Variants in CLVS2 observed in about 807,000 individuals in gnomAD.
CLVS2 encodes clavesin-2.
Under a neutral mutation model 29.0 loss-of-function variants are expected in CLVS2, and 19 were observed. The observed-to-expected ratio is 0.66, with a 90% CI of 0.46 to 0.96. The LOEUF (loss-of-function observed/expected upper bound fraction) is 0.96. CLVS2 is among the 40% of genes least tolerant of loss of function. CLVS2 has a pLI of 0.00. For missense variants in CLVS2, 294 were observed against 404.1 expected (o/e 0.73, Z 2.34); for synonymous variants, 161 against 151.3 (o/e 1.06, Z -0.47).
In CLVS2 at chr6:123,042,130, C is replaced by T. The variant is rs191665057; in HGVS notation, c.565-6492C>T. Among the ~76,000 whole-genome samples the T allele has an allele frequency of 2.3e-3, 348 of 152,124 alleles. 1 individual carries two copies. The highest frequency in any genetic ancestry group is 6.0e-3 in the Admixed American group (91 of 15,276). On this transcript the variant is annotated intron_variant, in intron 3 of 5. Transcript: ENST00000275162. ...GAATCATGAATATGTGATTCATGTG[C>T]ATTTCATTTTAGAGAATGCTCATCA...
rs964268789 is a variant in CLVS2 at position 123,005,352 on chromosome 6, C to T, written c.390-5633C>T. Among the ~76,000 whole-genome samples, 8 of 151,994 alleles carry T rather than the reference C, an allele frequency of 5.3e-5. 1 individual carries two copies. In the South Asian group the frequency reaches 6.2e-4, roughly 12 times the overall value. On this transcript the variant is annotated intron_variant, in intron 2 of 5. Transcript: ENST00000275162. ...ATAAAGGTAATTTTTCTCCTTTTTT[C>T]CCCTCCCCCTAGCACCTTCTACTAT...
At chr6:123,040,898 T>TA (rs1346732051) in intron 3 of CLVS2, among the ~76,000 whole-genome samples, 2 of 152,306 alleles carry the variant, frequency 1.3e-5, no homozygotes, top group Non-Finnish European at 2.9e-5. Flanking sequence ...TTTCAGAGTT[T>TA]AAAAAATTAA....
intron 2 of CLVS2, among the ~76,000 whole-genome samples, chr6:123,003,742 G>A (rs1256751682): frequency 6.6e-6 from 1 of 152,192 alleles, no homozygotes; most frequent in Non-Finnish European, 1.5e-5. Flanking sequence ...CAGCTAATGA[G>A]GACACTGTTT....
At chr6:123,036,987 ATTC>A (rs927832078) in intron 3 of CLVS2, among the ~76,000 whole-genome samples, 2 of 152,194 alleles carry the variant, frequency 1.3e-5, no homozygotes, top group Non-Finnish European at 2.9e-5. Context: ...AAAAATGTGT[ATTC>A]TTATTATTTT....
chr6:123,003,187 C>T (rs536588915), intron 2 of CLVS2, among the ~76,000 whole-genome samples: 58 of 152,274 alleles, frequency 3.8e-4, no homozygotes, highest in African/African-American at 1.4e-3. Flanking sequence ...ACTACAAGTG[C>T]CAACCTTCAG....
At chr6:123,037,024 C>G (rs1775163660) in intron 3 of CLVS2, among the ~76,000 whole-genome samples, 1 of 152,154 alleles carries the variant, frequency 6.6e-6, no homozygotes, top group Non-Finnish European at 1.5e-5. Context: ...TACTGTGGCA[C>G]TTAAAAATGC....
chr6:123,049,915 TG>T (rs1029238756), intron 4 of CLVS2, among the ~76,000 whole-genome samples: 32 of 152,258 alleles, frequency 2.1e-4, no homozygotes, highest in Middle Eastern at 3.4e-3. Context: ...ACCTGCACGT[TG>T]TGCACATGTA....
intron 3 of CLVS2, among the ~76,000 whole-genome samples, chr6:123,018,078 A>G (rs35684481): frequency 6.6e-6 from 1 of 152,132 alleles, no homozygotes; most frequent in Non-Finnish European, 1.5e-5. Context: ...GAAGAAAATA[A>G]CACTTTTTGG....
chr6:123,016,893 G>C (rs1774842351), intron 3 of CLVS2, among the ~76,000 whole-genome samples: 2 of 152,052 alleles, frequency 1.3e-5, no homozygotes, highest in Admixed American at 6.6e-5. Context: ...TACACATTCT[G>C]GCTCTAAGCG....
At chr6:123,001,470 T>C (rs937996440) in intron 2 of CLVS2, among the ~76,000 whole-genome samples, 3 of 152,176 alleles carry the variant, frequency 2.0e-5, no homozygotes, top group African/African-American at 4.8e-5. Context: ...CAAAAAACAA[T>C]AGGGCAAGCC....
intron 3 of CLVS2, among the ~76,000 whole-genome samples, chr6:123,027,132 A>G (rs76711421): frequency 0.027 from 4,128 of 152,294 alleles, 105 homozygotes; most frequent in Middle Eastern, 0.058. Flanking sequence ...GATAAAGTAA[A>G]GAAGTCATCT....
chr6:123,012,051 G>C (rs1043596367), intron 3 of CLVS2, among the ~76,000 whole-genome samples: 1 of 151,808 alleles, frequency 6.6e-6, no homozygotes, highest in African/African-American at 2.4e-5. Context: ...ACTTTTCCAG[G>C]TGCTGGAAAT....
intron 2 of CLVS2, among the ~76,000 whole-genome samples, chr6:123,007,408 G>A (rs1774685054): frequency 6.6e-6 from 1 of 152,092 alleles, no homozygotes; most frequent in Admixed American, 6.5e-5. Context: ...TTTTGTATTT[G>A]TTAATAGCTG....
chr6:123,064,480 C>A lies in CLVS2; in HGVS notation c.*719C>A, dbSNP rs1300977931. 2.0e-5 allele frequency: 3 copies of A among 151,978 alleles called. No individual in the cohort carries two copies. The highest frequency in any genetic ancestry group is 7.2e-5 in the African/African-American group (3 of 41,548). 9.4% of individuals were successfully genotyped at this position (151,978 alleles called of 1,614,324 possible). A position where few individuals can be genotyped will look rare whatever the true frequency, so the allele number is the denominator to read the frequency against. On this transcript the variant is annotated 3_prime_UTR_variant, in exon 6 of 6. Transcript: ENST00000275162. ...GATTCTTTTTAAATTGCTGTCTTCACAATGTGCCCTTTATTCAAGACCCTA... is the reference window on the plus strand; with the variant it reads ...GATTCTTTTTAAATTGCTGTCTTCAAAATGTGCCCTTTATTCAAGACCCTA...
In CLVS2 at chr6:123,027,245, T is replaced by A. The variant is rs77549494; in HGVS notation, c.564+16086T>A. ...GAGTAGAGGAACAAATCATGAAAAA[T>A]GGACAATAGAAAAATTAATGTGACA... is the stretch of plus-strand genomic sequence containing the variant. On this transcript the variant is annotated intron_variant, in intron 3 of 5. Coordinates refer to ENST00000275162, the MANE Select transcript of CLVS2 (RefSeq NM_001010852.4). Among the ~76,000 whole-genome samples, 472 of 152,230 alleles carry A rather than the reference T, an allele frequency of 3.1e-3. 1 individual carries two copies. The highest frequency in any genetic ancestry group is 6.8e-3 in the Middle Eastern group (2 of 294).
intron 3 of CLVS2, among the ~76,000 whole-genome samples, chr6:123,024,100 A>C (rs1396112746): frequency 6.6e-6 from 1 of 152,028 alleles, no homozygotes; most frequent in Non-Finnish European, 1.5e-5. Context: ...ATCATACAAA[A>C]CTCACCAACA....
chr6:123,006,440 G>C (rs577444109), intron 2 of CLVS2, among the ~76,000 whole-genome samples: 1 of 152,246 alleles, frequency 6.6e-6, no homozygotes, highest in South Asian at 2.1e-4. Flanking sequence ...ACAATAGAGG[G>C]TAGGCAAGAT....
chr6:123,072,217 TA>T lies in CLVS2; in HGVS notation c.*8457del, dbSNP rs2114382665. On this transcript the variant is annotated 3_prime_UTR_variant, in exon 6 of 6. Transcript: ENST00000275162. ...TGTTTTATAATCTTCTATCAGAACA[TA>T]TATTAAGAAGACACTGAATTTAAAG... is the stretch of plus-strand genomic sequence containing the variant. 1 of 152,188 alleles carries T rather than the reference TA, an allele frequency of 6.6e-6. No individual in the cohort carries two copies. The highest frequency in any genetic ancestry group is 2.1e-4 in the South Asian group (1 of 4,826). The allele number at this position is 152,188 out of a possible 1,614,324, so 9.4% of individuals were successfully genotyped here. A position where few individuals can be genotyped will look rare whatever the true frequency, so the allele number is the denominator to read the frequency against.
chr6:123,071,485 A>G lies in CLVS2; in HGVS notation c.*7724A>G, dbSNP rs1772947680. ...CACATGGCTTACTCTTGGAGAGACT[A>G]CAAGATAGCTCAGGGGAAAAGTCAT... is the stretch of plus-strand genomic sequence containing the variant. On this transcript the variant is annotated 3_prime_UTR_variant, in exon 6 of 6. Transcript: ENST00000275162. 1 of 152,006 alleles carries G rather than the reference A, an allele frequency of 6.6e-6. No homozygotes were observed. The highest frequency in any genetic ancestry group is 2.1e-4 in the South Asian group (1 of 4,830). 9.4% of individuals were successfully genotyped at this position (152,006 alleles called of 1,614,324 possible). A position where few individuals can be genotyped will look rare whatever the true frequency, so the allele number is the denominator to read the frequency against.
Sources: gnomAD v4.1 joint callset for allele counts (sites outside exome capture counted in the v4.1 genomes callset) on GRCh38, gnomAD v4.1.1 for gene constraint, MANE v1.5 for transcripts, NCBI Gene and HGNC (gene_info 2026-07-23, HGNC 2026-07-21) for gene names.